The following NCOA1 variants were observed in gnomAD, a reference collection of about 807,000 sequenced individuals.
NCOA1 encodes nuclear receptor coactivator 1, also known as Hin-2 protein.
Under a neutral mutation model 150.9 loss-of-function variants are expected in NCOA1, and 35 were observed. That is an observed-to-expected ratio of 0.23 (90% CI 0.18 to 0.31). The LOEUF (loss-of-function observed/expected upper bound fraction) is 0.31. NCOA1 is among the 10% of genes least tolerant of loss of function. The pLI is 1.00. For synonymous variants in NCOA1, 590 were observed against 630.0 expected (o/e 0.94, Z 0.95); for missense variants, 1,491 against 1,749.3 (o/e 0.85, Z 2.63).
At chr2:24,663,917 C>T (rs1288379843) in intron 5 of NCOA1, among the ~76,000 whole-genome samples, 1 of 152,144 alleles carries the variant, frequency 6.6e-6, no homozygotes, top group East Asian at 1.9e-4. Flanking sequence ...ACAAAACTTA[C>T]CATCAAAAAC....
chr2:24,596,442 A>G (rs2148346167), intron 3 of NCOA1, among the ~76,000 whole-genome samples: 1 of 152,240 alleles, frequency 6.6e-6, no homozygotes, highest in East Asian at 1.9e-4. Context: ...CAGAGTTATG[A>G]AATTCTCAGA....
chr2:24,673,360 T>C lies in NCOA1; in HGVS notation c.257-6T>C, dbSNP rs1221461993. The C allele has an allele frequency of 6.5e-7, 1 of 1,539,660 alleles. No individual in the cohort carries two copies. Among genetic ancestry groups the C allele is most frequent in the African/African-American group, 1.4e-5 (1 of 71,116 alleles). On this transcript the variant is annotated splice_region_variant and splice_polypyrimidine_tract_variant and intron_variant, in intron 6 of 22. Transcript: ENST00000348332. Reference sequence around the variant, plus strand: ...TATGTGATTTTTTTAAGTTTCTTTATTATAGAGAAATCAACAACTGATGAC... The same window carrying C: ...TATGTGATTTTTTTAAGTTTCTTTACTATAGAGAAATCAACAACTGATGAC...
intron 6 of NCOA1, among the ~76,000 whole-genome samples, chr2:24,666,236 A>G (rs1490424551): frequency 1.3e-5 from 2 of 151,636 alleles, no homozygotes; most frequent in African/African-American, 4.8e-5. Flanking sequence ...GGATGGTCTC[A>G]ATCTCCTGAC....
intron 17 of NCOA1, among the ~76,000 whole-genome samples, chr2:24,736,221 CA>C (rs758822213): frequency 0.11 from 7,205 of 63,436 alleles, 232 homozygotes; most frequent in Non-Finnish European, 0.15. Context: ...AACTCCGTCT[CA>C]AAAAAAAAAA....
At chr2:24,501,014 A>T (rs1030079441) in intron 1 of NCOA1, among the ~76,000 whole-genome samples, 3 of 152,210 alleles carry the variant, frequency 2.0e-5, no homozygotes, top group African/African-American at 7.2e-5. Context: ...CTGTATAAAA[A>T]TCTTTTAAAA....
intron 9 of NCOA1, 39 bp downstream of exon 9, chr2:24,691,699 T>G (rs757810149): frequency 5.1e-6 from 8 of 1,583,238 alleles, no homozygotes; most frequent in Non-Finnish European, 6.0e-6. Flanking sequence ...TTATTTCTTC[T>G]GTGACTTTAA....
intron 2 of NCOA1, among the ~76,000 whole-genome samples, chr2:24,579,079 G>A (rs916333182): frequency 2.6e-5 from 4 of 152,044 alleles, no homozygotes; most frequent in African/African-American, 9.7e-5. Flanking sequence ...ACAGAATAAT[G>A]TTGAGTTAAA....
At chr2:24,598,802 T>C (rs923286227) in intron 3 of NCOA1, among the ~76,000 whole-genome samples, 1 of 152,188 alleles carries the variant, frequency 6.6e-6, no homozygotes, top group Non-Finnish European at 1.5e-5. Context: ...AAGGGGCACA[T>C]GTGCAGTTTT....
intron 4 of NCOA1, among the ~76,000 whole-genome samples, chr2:24,657,514 G>T (rs1457798099): frequency 6.6e-6 from 1 of 152,198 alleles, no homozygotes; most frequent in Non-Finnish European, 1.5e-5. Context: ...AATTGAAAAT[G>T]TGCCTTTTTG....
At chr2:24,651,597 A>ACAAT (rs1184802407) in intron 4 of NCOA1, among the ~76,000 whole-genome samples, 6 of 152,096 alleles carry the variant, frequency 3.9e-5, no homozygotes, top group African/African-American at 1.4e-4. Flanking sequence ...TTGTTCATTT[A>ACAAT]CAATAATAAT....
intron 3 of NCOA1, among the ~76,000 whole-genome samples, chr2:24,607,933 T>A (rs1230683325): frequency 6.6e-6 from 1 of 152,142 alleles, no homozygotes; most frequent in East Asian, 1.9e-4. Context: ...TTATTTACTG[T>A]AATACCATAC....
chr2:24,738,470 G>A (rs1663437140), intron 17 of NCOA1, among the ~76,000 whole-genome samples: 1 of 152,132 alleles, frequency 6.6e-6, no homozygotes, highest in Non-Finnish European at 1.5e-5. Flanking sequence ...ACCAGATACT[G>A]TTAAGGCATG....
At chr2:24,566,987 C>T (rs114359263) in intron 2 of NCOA1, among the ~76,000 whole-genome samples, 197 of 152,320 alleles carry the variant, frequency 1.3e-3, no homozygotes, top group African/African-American at 4.4e-3. Context: ...CCCAGGAGGG[C>T]GGGCCTTCTG....
chr2:24,611,045 C>A lies in NCOA1; in HGVS notation c.-175+26485C>A, dbSNP rs987320480. On this transcript the variant is annotated intron_variant, in intron 3 of 22. Transcript: ENST00000348332. ...GCTGAGGTTTGGGGTGTGAATGACC[C>A]TGTCACCCAGGTAGTGAGCATAGTA... 3.9e-5 allele frequency among the ~76,000 whole-genome samples: 6 copies of A among 152,118 alleles called. No individual in the cohort carries two copies. In the South Asian group the frequency reaches 1.2e-3, roughly 31 times the overall value.
chr2:24,581,786 C>T (rs1667204339), intron 2 of NCOA1, among the ~76,000 whole-genome samples: 5 of 152,088 alleles, frequency 3.3e-5, no homozygotes, highest in Admixed American at 2.6e-4. Flanking sequence ...TGGGATTTAT[C>T]CTAGGAATGG....
At chr2:24,753,893 C>T (rs759020732) in intron 20 of NCOA1, among the ~76,000 whole-genome samples, 1 of 152,192 alleles carries the variant, frequency 6.6e-6, no homozygotes. Context: ...GCTGCCTAAC[C>T]AATATCTCCA....
chr2:24,719,177 G>T (rs866912710), intron 14 of NCOA1, among the ~76,000 whole-genome samples: 1 of 151,956 alleles, frequency 6.6e-6, no homozygotes, highest in South Asian at 2.1e-4. Context: ...AATTACTCTT[G>T]GAAACATGCT....
intron 1 of NCOA1, among the ~76,000 whole-genome samples, chr2:24,531,265 C>T (rs182358502): frequency 6.6e-6 from 1 of 152,190 alleles, no homozygotes; most frequent in Admixed American, 6.5e-5. Context: ...ATGAAATCAC[C>T]ACCTTGTAAA....
chr2:24,731,566 A>G (rs1178460314), intron 17 of NCOA1, among the ~76,000 whole-genome samples: 1 of 152,204 alleles, frequency 6.6e-6, no homozygotes, highest in Non-Finnish European at 1.5e-5. Context: ...AGAGAAAAGG[A>G]GAACTAAGAA....
Sources: allele counts gnomAD v4.1 joint callset (sites outside exome capture counted in the v4.1 genomes callset), GRCh38; gene constraint gnomAD v4.1.1; transcripts MANE v1.5; gene names NCBI Gene and HGNC (gene_info 2026-07-23, HGNC 2026-07-21).